Variants in ADCY5 observed in about 807,000 individuals in gnomAD.
The protein encoded by ADCY5 is adenylate cyclase type 5.
ADCY5 carries 30 observed loss-of-function variants against 119.7 expected under a neutral mutation model. The observed-to-expected ratio is 0.25, with a 90% CI of 0.19 to 0.34. The LOEUF is 0.34. Ranked by LOEUF, ADCY5 falls within the 10% of genes least tolerant of loss-of-function variation. The probability of loss-of-function intolerance (pLI) is 1.00; values close to 1 mark genes in which losing one functional copy is unlikely to be tolerated. For synonymous variants in ADCY5, 753 were observed against 762.2 expected (o/e 0.99, Z 0.20); for missense variants, 1,324 against 1,775.2 (o/e 0.75, Z 4.57).
intron 1 of ADCY5, among the ~76,000 whole-genome samples, chr3:123,375,205 C>A (rs973350516): frequency 3.9e-5 from 6 of 152,188 alleles, no homozygotes; most frequent in African/African-American, 1.4e-4. Flanking sequence ...AGAAGTTCGA[C>A]GTGGAGGACT....
intron 1 of ADCY5, among the ~76,000 whole-genome samples, chr3:123,425,156 G>A (rs1051578206): frequency 1.3e-5 from 2 of 152,166 alleles, no homozygotes; most frequent in African/African-American, 4.8e-5. Context: ...CTGGCAGACC[G>A]CTTGCCAGCA....
In ADCY5 at chr3:123,448,449, C is replaced by G; in HGVS notation, c.97G>C (p.Gly33Arg). 7.6e-7 allele frequency: 1 copy of G among 1,316,350 alleles called. No individual in the cohort carries two copies. Among genetic ancestry groups the G allele is most frequent in the African/African-American group, 1.5e-5 (1 of 65,268 alleles). 81.5% of individuals were successfully genotyped at this position (1,316,350 alleles called of 1,614,324 possible). Residue 33 changes from glycine (G) to arginine (R), a missense_variant, in exon 1 of 21, where the codon GGC (glycine) becomes CGC (arginine). Physicochemically the swap from Gly to Arg is moderately radical, Grantham distance 125 (BLOSUM62 -2). Around this residue, in one of 6 missense-constraint regions of ADCY5, gnomAD observed 585 missense variants for 569.9 expected, o/e 1.03. Transcript: ENST00000462833. ...RGGPEHRSAW[G>R]EADSRANGYP... The stretch of plus-strand genomic sequence containing the variant: ...CCATTCGCGCGGGAATCGGCCTCGC[C>G]CCACGCAGAGCGGTGTTCGGGGCCT...
intron 1 of ADCY5, among the ~76,000 whole-genome samples, chr3:123,384,076 A>G (rs1944132813): frequency 6.6e-6 from 1 of 152,108 alleles, no homozygotes; most frequent in Admixed American, 6.5e-5. Context: ...CCGGGACAGT[A>G]ATGACTGCTC....
At position 123,439,076 on chromosome 3, in the gene ADCY5, C is replaced by CTTT. The variant is rs57503913; in HGVS notation, c.1134+8333_1134+8335dup. Among the ~76,000 whole-genome samples the CTTT allele has an allele frequency of 2.3e-4, 15 of 64,734 alleles. 3 individuals are homozygous for CTTT. The highest frequency in any genetic ancestry group is 3.1e-4 in the Non-Finnish European group (12 of 38,558). 42.5% of individuals were successfully genotyped at this position (64,734 alleles called of 152,430 possible). ...CCCACTGTGCCCAGACCCTAAAGTG[C>CTTT]TTTTTTTTTTGAGATGGAGTCTCGC... On this transcript the variant is annotated intron_variant, in intron 1 of 20. Coordinates refer to ENST00000462833, the MANE Select transcript of ADCY5 (RefSeq NM_183357.3).
chr3:123,341,881 A>T (rs985377614), intron 3 of ADCY5, among the ~76,000 whole-genome samples: 2 of 152,124 alleles, frequency 1.3e-5, no homozygotes, highest in Non-Finnish European at 2.9e-5. Flanking sequence ...ATAATAACAT[A>T]AAGACCATTT....
chr3:123,336,866 G>A (rs1420755697), intron 3 of ADCY5, among the ~76,000 whole-genome samples: 2 of 152,206 alleles, frequency 1.3e-5, no homozygotes, highest in Non-Finnish European at 2.9e-5. Context: ...ATATGGTCCT[G>A]GGACCAGGCA....
Position 123,447,695 on chromosome 3 carries a change from A to G in ADCY5, c.851T>C (p.Met284Thr), listed in dbSNP as rs762288006. 4.4e-6 allele frequency: 7 copies of G among 1,604,534 alleles called. No individual in the cohort carries two copies. The highest frequency in any genetic ancestry group is 2.7e-5 in the African/African-American group (2 of 74,720). Residue 284 changes from methionine to threonine, a missense_variant, in exon 1 of 21, where the codon ATG becomes ACG. This residue lies in a region of ADCY5 where 585 missense variants were observed against 569.9 expected (regional missense o/e 1.03). Transcript: ENST00000462833. Reference sequence around the variant, plus strand: ...GGCGGCGCGGTTGCAAAGCACAGCCATGATGAGGATCACGCCGACGGCGGC... The same window carrying G: ...GGCGGCGCGGTTGCAAAGCACAGCCGTGATGAGGATCACGCCGACGGCGGC... ...LAAAVGVILIMAVLCNRAAFH... is the reference protein window; with the variant it reads ...LAAAVGVILITAVLCNRAAFH...
intron 1 of ADCY5, among the ~76,000 whole-genome samples, chr3:123,396,059 AGGGTGG>A (rs1244209715): frequency 6.4e-5 from 2 of 31,166 alleles, no homozygotes; most frequent in Non-Finnish European, 1.1e-4. Flanking sequence ...AGAGGGAGGG[AGGGTGG>A]GAGGGAGAGG....
chr3:123,301,166 C>T (rs945255836), intron 14 of ADCY5, among the ~76,000 whole-genome samples: 3 of 152,044 alleles, frequency 2.0e-5, no homozygotes, highest in African/African-American at 7.3e-5. Flanking sequence ...ACGTCAGCAT[C>T]AATTATTATG....
intron 12 of ADCY5, 53 bp from the exon 13 acceptor site, chr3:123,304,236 C>A: frequency 8.5e-7 from 1 of 1,180,588 alleles, no homozygotes; most frequent in South Asian, 1.3e-5. Flanking sequence ...GAATAGCATT[C>A]AGCAAGGACT....
chr3:123,431,140 A>G (rs1576692898), intron 1 of ADCY5, among the ~76,000 whole-genome samples: 1 of 152,246 alleles, frequency 6.6e-6, no homozygotes, highest in Non-Finnish European at 1.5e-5. Context: ...CCTGTTGAGT[A>G]AACTGGAGCA....
chr3:123,447,697 G>A lies in ADCY5; in HGVS notation c.849C>T (p.Ile283=). 6.2e-7 allele frequency: 1 copy of A among 1,604,398 alleles called. No homozygotes were observed. Among genetic ancestry groups the A allele is most frequent in the Non-Finnish European group, 8.5e-7 (1 of 1,174,352 alleles). The change falls in exon 1 of 21, where the codon ATC becomes ATT. Residue 283 remains isoleucine, a synonymous_variant. Coordinates refer to ENST00000462833, the MANE Select transcript of ADCY5 (RefSeq NM_183357.3). The part of the protein sequence containing the change: ...VLAAAVGVIL[I]MAVLCNRAAF... ...CGGCGCGGTTGCAAAGCACAGCCAT[G>A]ATGAGGATCACGCCGACGGCGGCCG...
At chr3:123,446,836 G>T (rs1183832579) in intron 1 of ADCY5, among the ~76,000 whole-genome samples, 1 of 152,170 alleles carries the variant, frequency 6.6e-6, no homozygotes, top group Non-Finnish European at 1.5e-5. Context: ...GGCTTGGGGC[G>T]CTCTGCTAAC....
rs1351111930 is a variant in ADCY5 at position 123,325,446 on chromosome 3, A to G, written c.1964T>C (p.Met655Thr). ...TCTCTGGCGGTTCATCTTGGCGATCATGGCCTTCTCTTCTTTCTGGAAGAC... is the reference window on the plus strand; with the variant it reads ...TCTCTGGCGGTTCATCTTGGCGATCGTGGCCTTCTCTTCTTTCTGGAAGAC... ...CTQKRKEEKAMIAKMNRQRTN... is the reference protein window; with the variant it reads ...CTQKRKEEKATIAKMNRQRTN... Residue 655 changes from methionine to threonine, a missense_variant, in exon 8 of 21, where the codon ATG (methionine) becomes ACG (threonine). Met to Thr is a moderately conservative substitution (Grantham distance 81). Transcript: ENST00000462833. 2 of 1,614,110 alleles carry G rather than the reference A, an allele frequency of 1.2e-6. No individual in the cohort carries two copies. Among genetic ancestry groups the G allele is most frequent in the Admixed American group, 3.3e-5 (2 of 60,030 alleles).
intron 1 of ADCY5, among the ~76,000 whole-genome samples, chr3:123,407,031 A>C (rs148050013): frequency 9.9e-5 from 15 of 152,258 alleles, no homozygotes; most frequent in African/African-American, 2.9e-4. Context: ...ACCTGCAGAC[A>C]TCTTTGGAGT....
In ADCY5 at chr3:123,300,158, G is replaced by A; in HGVS notation, c.2862C>T (p.Leu954=). 6.2e-7 allele frequency: 1 copy of A among 1,613,906 alleles called. No individual in the cohort carries two copies. The highest frequency in any genetic ancestry group is 8.5e-7 in the Non-Finnish European group (1 of 1,180,048). ...VLIVEVPGVT[L]FDNADLLVTA... is the part of the protein sequence containing the mutation. ...TGACCAGCAGGTCGGCGTTGTCGAA[G>A]AGCGTGACACCTGGCACCTCCACGA... Residue 954 remains leucine, a synonymous_variant, in exon 15 of 21, where the codon CTC becomes CTT. Coordinates refer to ENST00000462833, the MANE Select transcript of ADCY5 (RefSeq NM_183357.3).
chr3:123,322,981 A>G lies in ADCY5; in HGVS notation c.2089-2210T>C, dbSNP rs377206153. On this transcript the variant is annotated intron_variant, in intron 8 of 20. Coordinates refer to ENST00000462833, the MANE Select transcript of ADCY5 (RefSeq NM_183357.3). The stretch of plus-strand genomic sequence containing the variant: ...AGCTCAGGGTGAAAGCTCGCCTTCC[A>G]TGGATCTCTCTCCAACATTCCAGGC... Among the ~76,000 whole-genome samples the G allele has an allele frequency of 2.7e-4, 41 of 152,284 alleles. No individual in the cohort carries two copies. In the East Asian group the frequency reaches 3.5e-3, roughly 13 times the overall value.
chr3:123,373,846 A>C (rs1015682094), intron 1 of ADCY5, among the ~76,000 whole-genome samples: 1 of 138,920 alleles, frequency 7.2e-6, no homozygotes, highest in South Asian at 2.2e-4. Flanking sequence ...TCCCATTTCT[A>C]CCACAGGGTG....
chr3:123,333,206 C>T (rs756137617), intron 3 of ADCY5, among the ~76,000 whole-genome samples: 2 of 152,204 alleles, frequency 1.3e-5, no homozygotes, highest in East Asian at 1.9e-4. Context: ...CTCACCACTT[C>T]GTGACGATAT....
Sources: allele counts gnomAD v4.1 joint callset (sites outside exome capture counted in the v4.1 genomes callset), GRCh38; gene constraint gnomAD v4.1.1; regional missense constraint gnomAD v4.1.1; transcripts MANE v1.5; gene names NCBI Gene and HGNC (gene_info 2026-07-23, HGNC 2026-07-21).